Variants in ATP9B observed in about 807,000 individuals in gnomAD.
ATP9B encodes probable phospholipid-transporting ATPase IIB.
ATP9B carries 110 observed loss-of-function variants against 146.1 expected under a neutral mutation model. That is an observed-to-expected ratio of 0.75 (90% CI 0.65 to 0.88). The LOEUF (loss-of-function observed/expected upper bound fraction) is 0.88, where lower values mean the gene tolerates loss of function less well. Ranked by LOEUF, ATP9B falls within the 40% of genes least tolerant of loss-of-function variation. The pLI is 0.00. For synonymous variants in ATP9B, 604 were observed against 569.7 expected, an observed-to-expected ratio of 1.06 and a Z score of -0.86; for missense variants, 1,499 against 1,496.4, an observed-to-expected ratio of 1.00 and a Z score of -0.03.
At chr18:79,265,517 T>C (rs758053533) in intron 12 of ATP9B, among the ~76,000 whole-genome samples, 18 of 152,204 alleles carry the variant, frequency 1.2e-4, no homozygotes, top group Non-Finnish European at 2.1e-4. Flanking sequence ...TTTTGTCCTT[T>C]GCCTACTTTT....
intron 1 of ATP9B, among the ~76,000 whole-genome samples, chr18:79,084,397 CTATT>C (rs2073606830): frequency 6.6e-6 from 1 of 152,034 alleles, no homozygotes; most frequent in Admixed American, 6.6e-5. Flanking sequence ...ACCATTTTAA[CTATT>C]TATAACAAGT....
rs1300731921 is a variant in ATP9B, at chr18:79,303,741, G to A, written c.1524+25G>A. The A allele has an allele frequency of 1.9e-6, 3 of 1,571,556 alleles. No homozygotes were observed. In the South Asian group the frequency reaches 3.3e-5, roughly 17 times the overall value. ...GGTAAGTGGGTTCCTCCTGCACGGG[G>A]TCTGCTTCCACACACATCCCGCGCC... On this transcript the variant is annotated intron_variant, in intron 14 of 29. Coordinates refer to ENST00000426216, the MANE Select transcript of ATP9B (RefSeq NM_198531.5).
intron 9 of ATP9B, among the ~76,000 whole-genome samples, chr18:79,197,136 TC>T: frequency 6.6e-6 from 1 of 152,316 alleles, no homozygotes. Flanking sequence ...TATTCTCTGA[TC>T]ACAATGCAAT....
At chr18:79,220,250 G>A (rs569456472) in intron 11 of ATP9B, among the ~76,000 whole-genome samples, 180 of 152,254 alleles carry the variant, frequency 1.2e-3, no homozygotes, top group Middle Eastern at 3.4e-3. Flanking sequence ...ACAGACACTG[G>A]ATTATCTAAA....
Position 79,199,071 on chromosome 18 carries a change from C to A in ATP9B, c.954+5808C>A, listed in dbSNP as rs1000723124. Reference sequence around the variant, plus strand: ...GGTTCAAGTGGCTCTTCTGCCTCAGCCTCCTGAGTAGCTGGGATTAGAGTC... The same window carrying A: ...GGTTCAAGTGGCTCTTCTGCCTCAGACTCCTGAGTAGCTGGGATTAGAGTC... On this transcript the variant is annotated intron_variant, in intron 9 of 29. Transcript: ENST00000426216. Among the ~76,000 whole-genome samples the A allele has an allele frequency of 1.1e-4, 16 of 152,180 alleles. No individual in the cohort carries two copies. In the East Asian group the frequency reaches 2.5e-3, roughly 24 times the overall value.
In ATP9B at chr18:79,071,399, C is replaced by CTTTTTTTTTTTTTTTTTTTTTTTTTT. The variant is rs56119715; in HGVS notation, c.119+1884_119+1885insTTTTTTTTTTTTTTTTTTTTTTTTTT. ...ATTTCCCCTTTTTCTATTGTTCTTC[C>CTTTTTTTTTTTTTTTTTTTTTTTTTT]TTTTTTTTTTTTTTGAGACAGGGTC... On this transcript the variant is annotated intron_variant, in intron 1 of 29. Coordinates refer to ENST00000426216, the MANE Select transcript of ATP9B (RefSeq NM_198531.5). Among the ~76,000 whole-genome samples, 619 of 69,232 alleles carry CTTTTTTTTTTTTTTTTTTTTTTTTTT rather than the reference C, an allele frequency of 8.9e-3. 136 individuals are homozygous for CTTTTTTTTTTTTTTTTTTTTTTTTTT. Among genetic ancestry groups the CTTTTTTTTTTTTTTTTTTTTTTTTTT allele is most frequent in the Middle Eastern group, 0.02 (1 of 50 alleles). The allele number at this position is 69,232 out of a possible 152,430, so 45.4% of individuals were successfully genotyped here. A position where few individuals can be genotyped will look rare whatever the true frequency, so the allele number is the denominator to read the frequency against.
intron 11 of ATP9B, among the ~76,000 whole-genome samples, chr18:79,217,502 T>A (rs2095638931): frequency 6.6e-6 from 1 of 152,222 alleles, no homozygotes; most frequent in African/African-American, 2.4e-5. Flanking sequence ...TATTTAAACA[T>A]CCAATTAAGA....
intron 13 of ATP9B, among the ~76,000 whole-genome samples, chr18:79,302,864 T>A (rs1414788323): frequency 6.6e-6 from 1 of 152,244 alleles, no homozygotes; most frequent in South Asian, 2.1e-4. Context: ...GAAATAGGTT[T>A]TTTTAAAAAA....
intron 5 of ATP9B, among the ~76,000 whole-genome samples, chr18:79,135,274 C>G (rs981092019): frequency 2.0e-5 from 3 of 152,208 alleles, no homozygotes; most frequent in Non-Finnish European, 4.4e-5. Flanking sequence ...AGTCATCCTT[C>G]AGATTCTGCA....
intron 15 of ATP9B, among the ~76,000 whole-genome samples, chr18:79,324,767 A>G (rs573949156): frequency 2.6e-5 from 4 of 152,388 alleles, no homozygotes; most frequent in South Asian, 4.1e-4. Context: ...TAGTAATTCT[A>G]TACCATTAAG....
At position 79,375,419 on chromosome 18, in the gene ATP9B, T is replaced by C. The variant is rs908936916; in HGVS notation, c.3300T>C (p.Ala1100=). 7 of 1,612,870 alleles carry C rather than the reference T, an allele frequency of 4.3e-6. No individual in the cohort carries two copies. Among genetic ancestry groups the C allele is most frequent in the African/African-American group, 4.0e-5 (3 of 74,890 alleles). The change falls in exon 29 of 30, where the codon GCT becomes GCC. Residue 1100 remains alanine, a synonymous_variant. Transcript: ENST00000426216. ...YFGIGRVSFG[A]FLDVAFITTV... ...GTATAGGCAGAGTGTCTTTTGGAGC[T>C]TTCTTAGGTAGGTAAAGTTATCATT...
intron 13 of ATP9B, among the ~76,000 whole-genome samples, chr18:79,284,476 C>T (rs1050718048): frequency 4.6e-5 from 7 of 152,170 alleles, no homozygotes; most frequent in African/African-American, 1.7e-4. Flanking sequence ...TAATATTTGA[C>T]TTCACTTTAA....
intron 12 of ATP9B, among the ~76,000 whole-genome samples, chr18:79,255,962 G>C (rs1432516481): frequency 6.6e-6 from 1 of 152,036 alleles, no homozygotes; most frequent in African/African-American, 2.4e-5. Context: ...TTCTTCTCCT[G>C]CAAGTTGCTT....
intron 11 of ATP9B, among the ~76,000 whole-genome samples, chr18:79,244,378 T>A (rs1013279065): frequency 6.6e-6 from 1 of 152,186 alleles, no homozygotes; most frequent in African/African-American, 2.4e-5. Context: ...CCAAGGTACT[T>A]ACTGGAATAA....
intron 26 of ATP9B, among the ~76,000 whole-genome samples, chr18:79,369,350 G>A (rs1426441696): frequency 2.0e-5 from 3 of 151,834 alleles, no homozygotes; most frequent in Admixed American, 1.3e-4. Context: ...TGGCTCACAC[G>A]GTGAAACCCC....
intron 16 of ATP9B, 37 bp downstream of exon 16, chr18:79,329,339 G>A (rs2096778010): frequency 6.6e-7 from 1 of 1,507,156 alleles, no homozygotes; most frequent in Admixed American, 2.2e-5. Context: ...GATGGCTTCA[G>A]ACATTTTGTT....
At chr18:79,180,325 T>C (rs1320601005) in intron 8 of ATP9B, among the ~76,000 whole-genome samples, 1 of 152,214 alleles carries the variant, frequency 6.6e-6, no homozygotes, top group Non-Finnish European at 1.5e-5. Flanking sequence ...TCTTTTGGTG[T>C]TGTGTTATAT....
At chr18:79,224,373 A>G (rs567221043) in intron 11 of ATP9B, among the ~76,000 whole-genome samples, 145 of 152,274 alleles carry the variant, frequency 9.5e-4, no homozygotes, top group Middle Eastern at 6.8e-3. Flanking sequence ...GAGACTGAGA[A>G]TGGGAAAGTG....
intron 11 of ATP9B, among the ~76,000 whole-genome samples, chr18:79,222,938 A>G (rs547421100): frequency 1.2e-4 from 19 of 152,358 alleles, no homozygotes; most frequent in Admixed American, 2.6e-4. Context: ...GGAAAAATCA[A>G]TTGTGACAGG....
Sources: gnomAD v4.1 joint callset for allele counts (sites outside exome capture counted in the v4.1 genomes callset) on GRCh38, gnomAD v4.1.1 for gene constraint, MANE v1.5 for transcripts, NCBI Gene and HGNC (gene_info 2026-07-23, HGNC 2026-07-21) for gene names.